CALN1: variants seen among roughly 807,000 people sequenced by gnomAD.
The protein encoded by CALN1 is calneuron 1, also known as calcium-binding protein 8.
CALN1 carries 17 observed loss-of-function variants against 30.6 expected under a neutral mutation model. The ratio of observed to expected loss-of-function variants is 0.56; its 90% CI spans 0.38 to 0.83. CALN1 has a LOEUF of 0.83. CALN1 is among the 40% of genes least tolerant of loss of function. The pLI is 0.00. For synonymous variants in CALN1, 156 were observed against 131.4 expected (o/e 1.19, Z -1.28); for missense variants, 291 against 354.9 (o/e 0.82, Z 1.45).
At chr7:72,292,036 T>G (rs1010764627) in intron 2 of CALN1, among the ~76,000 whole-genome samples, 1 of 152,052 alleles carries the variant, frequency 6.6e-6, no homozygotes, top group African/African-American at 2.4e-5. Context: ...ATATGACTTT[T>G]GGGGAAACAC....
At chr7:71,953,975 A>C (rs1217924850) in intron 5 of CALN1, among the ~76,000 whole-genome samples, 1 of 152,206 alleles carries the variant, frequency 6.6e-6, no homozygotes, top group Non-Finnish European at 1.5e-5. Flanking sequence ...AAGAAAAGAG[A>C]ACCTGAGAAT....
intron 5 of CALN1, among the ~76,000 whole-genome samples, chr7:71,818,553 A>G (rs2116292323): frequency 6.6e-6 from 1 of 152,136 alleles, no homozygotes; most frequent in East Asian, 1.9e-4. Flanking sequence ...TTCATTTTGT[A>G]GAGATGGGGT....
rs1455107509 is a variant in CALN1, at chr7:71,781,565, C to A, written c.*6210G>T. On this transcript the variant is annotated 3_prime_UTR_variant, in exon 7 of 7. Transcript: ENST00000395275. ...GACAGCATCTGCAGCCCTTTAAGAA[C>A]TTTCTTTGTCTCCCTCAGGTCCAGG... is the stretch of plus-strand genomic sequence containing the variant. The A allele has an allele frequency of 6.9e-6, 1 of 145,666 alleles. No homozygotes were observed. Among genetic ancestry groups the A allele is most frequent in the Non-Finnish European group, 1.5e-5 (1 of 67,508 alleles). The allele number at this position is 145,666 out of a possible 1,614,324, so 9.0% of individuals were successfully genotyped here. A position where few individuals can be genotyped will look rare whatever the true frequency, so the allele number is the denominator to read the frequency against.
chr7:72,138,759 C>A (rs939066545), intron 3 of CALN1, among the ~76,000 whole-genome samples: 1 of 152,156 alleles, frequency 6.6e-6, no homozygotes, highest in Admixed American at 6.5e-5. Context: ...AACCATTGGT[C>A]GGCCTCTCTC....
chr7:71,941,445 A>T (rs557771587), intron 5 of CALN1, among the ~76,000 whole-genome samples: 1 of 152,328 alleles, frequency 6.6e-6, no homozygotes, highest in Non-Finnish European at 1.5e-5. Context: ...GAAGCCTCTA[A>T]AATTGATGGT....
At chr7:72,261,364 T>C (rs372193278) in intron 3 of CALN1, among the ~76,000 whole-genome samples, 11 of 151,272 alleles carry the variant, frequency 7.3e-5, no homozygotes, top group African/African-American at 2.4e-4. Flanking sequence ...CATGAGCATG[T>C]AAATGGTGGC....
chr7:72,221,022 T>G (rs1362269731), intron 3 of CALN1, among the ~76,000 whole-genome samples: 2 of 152,218 alleles, frequency 1.3e-5, no homozygotes, highest in Non-Finnish European at 2.9e-5. Flanking sequence ...TAGTTTCTTT[T>G]GCTGTGCAGA....
chr7:72,123,293 A>G (rs1231160728), intron 3 of CALN1, among the ~76,000 whole-genome samples: 1 of 152,222 alleles, frequency 6.6e-6, no homozygotes, highest in Non-Finnish European at 1.5e-5. Flanking sequence ...GAAACAAAAA[A>G]TTCTTCTAAA....
At chr7:72,220,584 G>T (rs375111323) in intron 3 of CALN1, among the ~76,000 whole-genome samples, 12 of 151,318 alleles carry the variant, frequency 7.9e-5, no homozygotes, top group African/African-American at 2.7e-4. Flanking sequence ...GGTCAAATGG[G>T]ATTTCTAGTT....
At chr7:72,286,790 G>C (rs1276972442) in intron 2 of CALN1, among the ~76,000 whole-genome samples, 1 of 152,196 alleles carries the variant, frequency 6.6e-6, no homozygotes, top group Non-Finnish European at 1.5e-5. Flanking sequence ...TGCATCATTA[G>C]AGAAGGAAGA....
At chr7:72,094,323 C>T (rs950457931) in intron 4 of CALN1, among the ~76,000 whole-genome samples, 1 of 152,110 alleles carries the variant, frequency 6.6e-6, no homozygotes, top group African/African-American at 2.4e-5. Context: ...GGCACAATCT[C>T]AGCTCACTGC....
At chr7:72,410,468 C>G (rs529067179) in intron 1 of CALN1, among the ~76,000 whole-genome samples, 11 of 152,324 alleles carry the variant, frequency 7.2e-5, no homozygotes, top group African/African-American at 2.6e-4. Flanking sequence ...TTCTCCCTAT[C>G]TCTGCCCAAA....
At chr7:71,847,847 G>GAGAAGGAGAAGGAGAAGA (rs746393698) in intron 5 of CALN1, among the ~76,000 whole-genome samples, 2 of 134,896 alleles carry the variant, frequency 1.5e-5, no homozygotes, top group African/African-American at 5.8e-5. Flanking sequence ...GAAGGAGAAG[G>GAGAAGGAGAAGGAGAAGA]AGAAGAAGAA....
chr7:71,931,269 C>CTTTT (rs71092936), intron 5 of CALN1, among the ~76,000 whole-genome samples: 1 of 149,324 alleles, frequency 6.7e-6, no homozygotes, highest in Non-Finnish European at 1.5e-5. Context: ...AAACCATTCT[C>CTTTT]TTTTTTTTTT....
chr7:72,273,010 T>C (rs1196322663), intron 3 of CALN1, among the ~76,000 whole-genome samples: 2 of 151,662 alleles, frequency 1.3e-5, no homozygotes, highest in Admixed American at 6.6e-5. Context: ...TGGAGAATTC[T>C]GTGGCATAGG....
chr7:72,044,262 AG>A (rs1802320178), intron 4 of CALN1, among the ~76,000 whole-genome samples: 1 of 152,062 alleles, frequency 6.6e-6, no homozygotes, highest in Admixed American at 6.6e-5. Flanking sequence ...ATGTGCTCAA[AG>A]TTTGTGCTCA....
intron 4 of CALN1, among the ~76,000 whole-genome samples, chr7:72,060,926 C>T (rs1448510376): frequency 6.6e-5 from 10 of 152,196 alleles, no homozygotes; most frequent in Admixed American, 5.9e-4. Flanking sequence ...TTATAAATTA[C>T]TCAGTTTCAG....
chr7:72,096,251 C>CT (rs1806225109), intron 4 of CALN1, among the ~76,000 whole-genome samples: 1 of 152,116 alleles, frequency 6.6e-6, no homozygotes, highest in Admixed American at 6.5e-5. Context: ...CATGCAAGCA[C>CT]TTTGAGGGCC....
intron 3 of CALN1, among the ~76,000 whole-genome samples, chr7:72,267,613 G>C (rs1474413437): frequency 6.6e-6 from 1 of 152,242 alleles, no homozygotes; most frequent in African/African-American, 2.4e-5. Context: ...TGTGCAGCCA[G>C]GTGGCAGCTT....
Sources: gnomAD v4.1 joint callset for allele counts (sites outside exome capture counted in the v4.1 genomes callset) on GRCh38, gnomAD v4.1.1 for gene constraint, MANE v1.5 for transcripts, NCBI Gene and HGNC (gene_info 2026-07-23, HGNC 2026-07-21) for gene names.